The following ERI1 variants were observed in gnomAD, a reference collection of about 807,000 sequenced individuals.
ERI1 encodes the protein 3'-5' exoribonuclease 1.
In ERI1, 39 loss-of-function variants were observed where a neutral mutation model predicts 39.7. That is an observed-to-expected ratio of 0.98 (90% CI 0.76 to 1.28). The LOEUF is 1.28. Ranked by LOEUF, ERI1 falls within the 50% of genes most tolerant of loss-of-function variation. The pLI, the probability that ERI1 is intolerant of heterozygous loss-of-function variation, is 0.00. For missense variants in ERI1, 581 were observed against 416.9 expected, an observed-to-expected ratio of 1.39 and a Z score of -3.43; for synonymous variants, 204 against 149.6, an observed-to-expected ratio of 1.36 and a Z score of -2.65.
At chr8:9,098,941 C>T (rs1199987510) in intron 3 of ERI1, among the ~76,000 whole-genome samples, 1 of 152,122 alleles carries the variant, frequency 6.6e-6, no homozygotes, top group Non-Finnish European at 1.5e-5. Flanking sequence ...TCAAATGATT[C>T]TCCTGCCTCA....
intron 3 of ERI1, among the ~76,000 whole-genome samples, chr8:9,040,695 A>T (rs1563350285): frequency 1.3e-5 from 2 of 150,412 alleles, no homozygotes; most frequent in Admixed American, 6.6e-5. Flanking sequence ...TTGTATGTTA[A>T]TAAAATGTTT....
chr8:9,033,270 C>G lies in ERI1; in HGVS notation c.*3236C>G, dbSNP rs1797713509. ...TTTATATTCCCTTTTGTTAATGGCT[C>G]AAAATAATATTTTGTATAATACGAA... On this transcript the variant is annotated 3_prime_UTR_variant, in exon 7 of 7. Coordinates refer to ENST00000250263, the MANE Select transcript of ERI1 (RefSeq NM_153332.4). 6.6e-6 allele frequency: 1 copy of G among 152,104 alleles called. No homozygotes were observed. 9.4% of individuals were successfully genotyped at this position (152,104 alleles called of 1,614,324 possible). A position where few individuals can be genotyped will look rare whatever the true frequency, so the allele number is the denominator to read the frequency against.
intron 3 of ERI1, among the ~76,000 whole-genome samples, chr8:9,061,498 C>G (rs969604568): frequency 6.6e-6 from 1 of 152,218 alleles, no homozygotes; most frequent in Admixed American, 6.5e-5. Flanking sequence ...TTAAAGGTCT[C>G]TGAAAGTATT....
rs2117156497 is a variant in ERI1 at position 9,003,128 on chromosome 8, C to T, written c.65C>T (p.Pro22Leu). ...EAVALALLESPRPEGGEEPPR... is the reference protein window; with the variant it reads ...EAVALALLESLRPEGGEEPPR... ...GTGGCTCTCGCGCTGCTGGAGTCGC[C>T]GCGGCCGGAGGGCGGGGAGGAGCCG... Residue 22 changes from proline to leucine, a missense_variant, in exon 1 of 7, where the codon CCG becomes CTG. By Grantham distance (98) the Pro-to-Leu change is moderately conservative (BLOSUM62 -3). Transcript: ENST00000250263. 2 of 1,245,660 alleles carry T rather than the reference C, an allele frequency of 1.6e-6. No homozygotes were observed. The highest frequency in any genetic ancestry group is 1.0e-6 in the Non-Finnish European group (1 of 990,162). The allele number at this position is 1,245,660 out of a possible 1,614,324, so 77.2% of individuals were successfully genotyped here. A position where few individuals can be genotyped will look rare whatever the true frequency, so the allele number is the denominator to read the frequency against.
At chr8:9,060,705 G>C (rs999279065) in intron 3 of ERI1, among the ~76,000 whole-genome samples, 1 of 152,180 alleles carries the variant, frequency 6.6e-6, no homozygotes, top group Non-Finnish European at 1.5e-5. Flanking sequence ...AGTTTCAGCG[G>C]GGGAGTAGGT....
At position 9,080,199 on chromosome 8, in the gene ERI1, C is replaced by T. The variant is rs569238119; in HGVS notation, n.300-36149C>T. 7.2e-5 allele frequency among the ~76,000 whole-genome samples: 11 copies of T among 152,234 alleles called. No individual in the cohort carries two copies. In the South Asian group the frequency reaches 1.2e-3, roughly 17 times the overall value. ...AAGCAGTTTTAAGAGGGGAGTAGGA[C>T]GTGATTGCTGTCTCATTTTAATGTC... On this transcript the variant is annotated intron_variant and non_coding_transcript_variant, in intron 3 of 3. Transcript: ENST00000518663.
At chr8:9,020,558 C>A (rs763002213) in intron 6 of ERI1, 94 bp downstream of exon 6, 1 of 775,020 alleles carries the variant, frequency 1.3e-6, no homozygotes, top group Non-Finnish European at 2.0e-6. Context: ...AGGTGTTTTT[C>A]ATGGAAAAAA....
chr8:9,094,064 T>C (rs1799795024), intron 3 of ERI1, among the ~76,000 whole-genome samples: 1 of 151,468 alleles, frequency 6.6e-6, no homozygotes, highest in East Asian at 1.9e-4. Context: ...ATAATTGTTA[T>C]AAACTAATTT....
chr8:9,083,810 T>C (rs1054660245), intron 3 of ERI1, among the ~76,000 whole-genome samples: 1 of 152,006 alleles, frequency 6.6e-6, no homozygotes, highest in Admixed American at 6.6e-5. Flanking sequence ...TTCTTTTTTT[T>C]TGAGACAGAG....
At chr8:9,018,570 A>G (rs181699332) in intron 5 of ERI1, among the ~76,000 whole-genome samples, 164 bp downstream of exon 5, 87 of 152,326 alleles carry the variant, frequency 5.7e-4, no homozygotes, top group African/African-American at 1.9e-3. Flanking sequence ...AAAGAGAGGA[A>G]GAAAACAGTG....
In ERI1 at chr8:9,029,759, A is replaced by G. The variant is rs775282555; in HGVS notation, c.808-33A>G. The G allele has an allele frequency of 9.9e-6, 16 of 1,612,726 alleles. 1 individual carries two copies. In the Middle Eastern group the frequency reaches 6.6e-4, roughly 67 times the overall value. Reference sequence around the variant, plus strand: ...GGCTTATATTACAGTTTAGAACACCAAAGAATTATTTACTAAGCTGTTTAT... The same window carrying G: ...GGCTTATATTACAGTTTAGAACACCGAAGAATTATTTACTAAGCTGTTTAT... On this transcript the variant is annotated intron_variant, in intron 6 of 6. Transcript: ENST00000250263.
chr8:9,022,613 T>G (rs1346242938), intron 6 of ERI1, among the ~76,000 whole-genome samples: 2 of 152,172 alleles, frequency 1.3e-5, no homozygotes, highest in African/African-American at 2.4e-5. Context: ...TTGGTGAGGC[T>G]GGTCTCGAAC....
intron 3 of ERI1, among the ~76,000 whole-genome samples, chr8:9,042,416 GAAAC>G (rs749142820): frequency 3.3e-5 from 5 of 152,140 alleles, no homozygotes; most frequent in African/African-American, 7.2e-5. Context: ...TATACATTAA[GAAAC>G]AAACAGATGC....
chr8:9,068,432 G>T (rs1798949029), intron 3 of ERI1, among the ~76,000 whole-genome samples: 1 of 152,156 alleles, frequency 6.6e-6, no homozygotes, highest in South Asian at 2.1e-4. Context: ...GAACCTCTGG[G>T]CTCAAGTGAT....
chr8:9,022,860 C>G (rs947807606), intron 6 of ERI1, among the ~76,000 whole-genome samples: 1 of 152,160 alleles, frequency 6.6e-6, no homozygotes, highest in South Asian at 2.1e-4. Flanking sequence ...TGTATCCCCA[C>G]CCACTTTCCT....
At chr8:9,094,703 G>A (rs1160632) in intron 3 of ERI1, among the ~76,000 whole-genome samples, 134 of 152,250 alleles carry the variant, frequency 8.8e-4, no homozygotes, top group Admixed American at 2.7e-3. Context: ...GGAGTTCACT[G>A]CTTTGGGGAT....
chr8:9,009,097 A>G (rs1816389261), intron 2 of ERI1: 5 of 456,270 alleles, frequency 1.1e-5, no homozygotes, highest in Admixed American at 9.4e-5. Flanking sequence ...TGTGAAGATC[A>G]GTTGCTTACT....
chr8:9,054,876 A>G (rs1798457927), intron 3 of ERI1, among the ~76,000 whole-genome samples: 1 of 152,236 alleles, frequency 6.6e-6, no homozygotes, highest in Non-Finnish European at 1.5e-5. Context: ...TGCAGTGGGC[A>G]GAGATCGTGC....
chr8:9,079,956 C>A (rs528253625), intron 3 of ERI1, among the ~76,000 whole-genome samples: 8 of 150,342 alleles, frequency 5.3e-5, no homozygotes, highest in Admixed American at 2.7e-4. Flanking sequence ...CAGGTGTAAG[C>A]CACTATGCTT....
Sources: gnomAD v4.1 joint callset for allele counts (sites outside exome capture counted in the v4.1 genomes callset) on GRCh38, gnomAD v4.1.1 for gene constraint, MANE v1.5 for transcripts, NCBI Gene and HGNC (gene_info 2026-07-23, HGNC 2026-07-21) for gene names.